Variants in SLC22A16 observed in about 807,000 individuals in gnomAD.
SLC22A16 encodes solute carrier family 22 member 16.
In SLC22A16, 53 loss-of-function variants were observed where a neutral mutation model predicts 52.9. That is an observed-to-expected ratio of 1.00 (90% confidence interval 0.80 to 1.26). The LOEUF (loss-of-function observed/expected upper bound fraction) is 1.26, where lower values mean the gene tolerates loss of function less well. SLC22A16 is among the 50% of genes most tolerant of loss of function. The pLI is 0.00. For missense variants in SLC22A16, 726 were observed against 704.0 expected (o/e 1.03, Z -0.35); for synonymous variants, 291 against 268.8 (o/e 1.08, Z -0.81).
At chr6:110,445,006 C>T (rs978153293) in intron 3 of SLC22A16, among the ~76,000 whole-genome samples, 4 of 152,186 alleles carry the variant, frequency 2.6e-5, no homozygotes, top group Non-Finnish European at 5.9e-5. Context: ...ATACAACTAA[C>T]TCCAAAACAC....
intron 5 of SLC22A16, among the ~76,000 whole-genome samples, chr6:110,437,748 CT>C (rs967890699): frequency 1.3e-5 from 2 of 151,838 alleles, no homozygotes; most frequent in African/African-American, 2.4e-5. Flanking sequence ...CTGAAAACAT[CT>C]TTTTTGGGAA....
intron 3 of SLC22A16, 79 bp from the exon 4 acceptor site, chr6:110,442,854 A>T (rs192452494): frequency 2.3e-6 from 3 of 1,303,654 alleles, no homozygotes; most frequent in East Asian, 4.8e-5. Flanking sequence ...TGCAAATCAC[A>T]TATAGGCAAA....
At chr6:110,436,416 A>T (rs892138833) in intron 5 of SLC22A16, among the ~76,000 whole-genome samples, 1 of 152,176 alleles carries the variant, frequency 6.6e-6, no homozygotes, top group Non-Finnish European at 1.5e-5. Context: ...CTTGAGGCCA[A>T]GAGTTTTAGA....
intron 7 of SLC22A16, among the ~76,000 whole-genome samples, chr6:110,426,975 G>A (rs1774281965): frequency 6.6e-6 from 1 of 151,678 alleles, no homozygotes; most frequent in African/African-American, 2.4e-5. Flanking sequence ...TCAAAGACTG[G>A]GTGCAGTGGC....
intron 1 of SLC22A16, among the ~76,000 whole-genome samples, chr6:110,466,775 T>C (rs1410625102): frequency 6.6e-6 from 1 of 152,170 alleles, no homozygotes; most frequent in African/African-American, 2.4e-5. Context: ...CACTACTGGG[T>C]ATTTACCCAA....
chr6:110,448,264 T>A (rs187950761), intron 2 of SLC22A16, among the ~76,000 whole-genome samples: 1 of 152,360 alleles, frequency 6.6e-6, no homozygotes, highest in East Asian at 1.9e-4. Flanking sequence ...TTGAGCATCT[T>A]TTCAAGCGCG....
chr6:110,453,975 T>A (rs1239061830), intron 2 of SLC22A16, among the ~76,000 whole-genome samples: 1 of 152,158 alleles, frequency 6.6e-6, no homozygotes, highest in Non-Finnish European at 1.5e-5. Flanking sequence ...ACTAATCAAT[T>A]CCTGCGAGAA....
At chr6:110,460,505 C>T (rs1173801254) in intron 1 of SLC22A16, among the ~76,000 whole-genome samples, 1 of 151,930 alleles carries the variant, frequency 6.6e-6, no homozygotes, top group Non-Finnish European at 1.5e-5. Context: ...TCTCACCTCA[C>T]CCCTGTAACA....
chr6:110,449,278 A>G (rs1373284516), intron 2 of SLC22A16, among the ~76,000 whole-genome samples: 2 of 150,946 alleles, frequency 1.3e-5, no homozygotes, highest in African/African-American at 4.9e-5. Flanking sequence ...TTCTGCTTGT[A>G]CCTCCCTGAT....
intron 5 of SLC22A16, among the ~76,000 whole-genome samples, chr6:110,438,364 A>T (rs1005059768): frequency 1.3e-5 from 2 of 152,084 alleles, no homozygotes; most frequent in Admixed American, 6.6e-5. Context: ...TCACTCTGTC[A>T]TCTAGGCTGG....
At chr6:110,463,440 T>C (rs1775955689) in intron 1 of SLC22A16, among the ~76,000 whole-genome samples, 1 of 115,620 alleles carries the variant, frequency 8.6e-6, no homozygotes, top group Non-Finnish European at 1.7e-5. Flanking sequence ...AGATATGTCA[T>C]GCAAATGGAA....
At chr6:110,450,611 CAAAAAA>C (rs35567505) in intron 2 of SLC22A16, among the ~76,000 whole-genome samples, 6 of 48,734 alleles carry the variant, frequency 1.2e-4, no homozygotes, top group African/African-American at 3.5e-4. Context: ...GACATCTTCT[CAAAAAA>C]AAAAAAAAAA....
chr6:110,434,172 A>C (rs903011376), intron 6 of SLC22A16, among the ~76,000 whole-genome samples: 1 of 152,070 alleles, frequency 6.6e-6, no homozygotes, highest in Admixed American at 6.5e-5. Flanking sequence ...CCTGGGAGGT[A>C]AGGTTGCAGT....
chr6:110,438,963 C>T, intron 4 of SLC22A16, 116 bp from the exon 5 acceptor site: 6 of 1,276,844 alleles, frequency 4.7e-6, no homozygotes, highest in African/African-American at 1.5e-5. Flanking sequence ...CTTCTGGGGC[C>T]TTTAGAAACT....
At chr6:110,463,810 C>T (rs1412272474) in intron 1 of SLC22A16, among the ~76,000 whole-genome samples, 2 of 151,778 alleles carry the variant, frequency 1.3e-5, no homozygotes, top group African/African-American at 4.8e-5. Context: ...ACCTACAGAA[C>T]ATTCCACCCA....
intron 2 of SLC22A16, chr6:110,453,583 A>G: frequency 4.4e-6 from 2 of 455,450 alleles, no homozygotes; most frequent in Non-Finnish European, 8.8e-6. Context: ...CTAATCCCCA[A>G]GTCCCACAAT....
chr6:110,446,781 G>A (rs549742855), intron 3 of SLC22A16, 92 bp downstream of exon 3: 22 of 1,094,684 alleles, frequency 2.0e-5, no homozygotes, highest in East Asian at 1.9e-4. Context: ...CCTTGATCTC[G>A]CTCACTAGAT....
Position 110,469,925 on chromosome 6 carries a change from T to C in SLC22A16, c.53+6597A>G, listed in dbSNP as rs536629511. 7.9e-5 allele frequency among the ~76,000 whole-genome samples: 12 copies of C among 152,350 alleles called. No individual in the cohort carries two copies. In the East Asian group the frequency reaches 2.3e-3, roughly 29 times the overall value. On this transcript the variant is annotated intron_variant, in intron 1 of 7. Transcript: ENST00000368919. ...AATTTATAAATTTTATTTTCAGCAG[T>C]GTCTGCAACTGCAAAACATAGAAAA...
intron 2 of SLC22A16, among the ~76,000 whole-genome samples, chr6:110,452,568 G>A (rs763306809): frequency 1.2e-4 from 19 of 152,124 alleles, no homozygotes; most frequent in South Asian, 6.2e-4. Flanking sequence ...GTGCAGTGGT[G>A]CATGCCTGTA....
Sources: gnomAD v4.1 joint callset for allele counts (sites outside exome capture counted in the v4.1 genomes callset) on GRCh38, gnomAD v4.1.1 for gene constraint, MANE v1.5 for transcripts, NCBI Gene and HGNC (gene_info 2026-07-23, HGNC 2026-07-21) for gene names.